The following DLGAP2 variants were observed in gnomAD, a reference collection of about 807,000 sequenced individuals.
The protein encoded by DLGAP2 is DLG associated protein 2.
In DLGAP2, 26 loss-of-function variants were observed where a neutral mutation model predicts 100.3. That is an observed-to-expected ratio of 0.26 (90% CI 0.19 to 0.36). The LOEUF is 0.36. DLGAP2 is among the 10% of genes least tolerant of loss of function. The probability of loss-of-function intolerance (pLI) is 1.00; values close to 1 mark genes in which losing one functional copy is unlikely to be tolerated. For synonymous variants in DLGAP2, 886 were observed against 630.1 expected, an observed-to-expected ratio of 1.41 and a Z score of -6.08; for missense variants, 1,858 against 1,453.2, an observed-to-expected ratio of 1.28 and a Z score of -4.53.
intron 3 of DLGAP2, among the ~76,000 whole-genome samples, chr8:1,424,590 T>G (rs1178161991): frequency 3.3e-5 from 5 of 152,106 alleles, no homozygotes; most frequent in Non-Finnish European, 7.3e-5. Context: ...GACGGTGTGA[T>G]TACCCTAACA....
intron 4 of DLGAP2, among the ~76,000 whole-genome samples, chr8:1,547,551 G>A (rs1238355250): frequency 6.6e-6 from 1 of 152,108 alleles, no homozygotes; most frequent in East Asian, 1.9e-4. Context: ...GAAGGTGTGA[G>A]TGCAGAGACC....
chr8:1,594,903 G>C (rs548383265), intron 6 of DLGAP2, among the ~76,000 whole-genome samples: 6 of 152,246 alleles, frequency 3.9e-5, no homozygotes, highest in African/African-American at 9.6e-5. Context: ...TCCCACCTCT[G>C]ACTTCTTCCT....
At position 818,466 on chromosome 8, in the gene DLGAP2, C is replaced by T. The variant is rs191839484; in HGVS notation, c.18+80641C>T. Among the ~76,000 whole-genome samples, 8 of 152,306 alleles carry T rather than the reference C, an allele frequency of 5.3e-5. No individual in the cohort carries two copies. The East Asian group carries it at 7.7e-4, about 15-fold the overall frequency. On this transcript the variant is annotated intron_variant, in intron 1 of 14. Coordinates refer to ENST00000637795, the MANE Select transcript of DLGAP2 (RefSeq NM_001346810.2). ...TCCCCATTGAGAAAGCACAGACTCA[C>T]GGTTTTTCTGCATTTCAGGGAGCCT...
At chr8:998,646 T>C (rs1800855768) in intron 2 of DLGAP2, among the ~76,000 whole-genome samples, 1 of 152,092 alleles carries the variant, frequency 6.6e-6, no homozygotes, top group African/African-American at 2.4e-5. Flanking sequence ...GTTTTATTAT[T>C]GAGTTGTTCT....
chr8:1,544,826 G>C (rs565845910), intron 4 of DLGAP2, among the ~76,000 whole-genome samples: 4 of 151,310 alleles, frequency 2.6e-5, no homozygotes, highest in Non-Finnish European at 5.9e-5. Flanking sequence ...TCTGCCTCCC[G>C]GGTTCAAGCG....
chr8:1,310,498 C>T (rs529523794), intron 3 of DLGAP2, among the ~76,000 whole-genome samples: 5 of 152,228 alleles, frequency 3.3e-5, no homozygotes, highest in South Asian at 2.1e-4. Flanking sequence ...GGGGTTTGGA[C>T]GGACACGTAC....
chr8:771,177 T>C (rs1821348021), intron 1 of DLGAP2, among the ~76,000 whole-genome samples: 1 of 152,208 alleles, frequency 6.6e-6, no homozygotes, highest in South Asian at 2.1e-4. Context: ...CCATAAACTC[T>C]AAACACTTAA....
chr8:965,372 G>A lies in DLGAP2; in HGVS notation c.73+57406G>A, dbSNP rs1300359301. Reference sequence around the variant, plus strand: ...CAGGGCTCCTGAGTCTGACCCCTGCGCTGTACACGGCACTGTTCATCACAC... The same window carrying A: ...CAGGGCTCCTGAGTCTGACCCCTGCACTGTACACGGCACTGTTCATCACAC... On this transcript the variant is annotated intron_variant, in intron 2 of 14. Coordinates refer to ENST00000637795, the MANE Select transcript of DLGAP2 (RefSeq NM_001346810.2). Among the ~76,000 whole-genome samples the A allele has an allele frequency of 6.4e-4, 44 of 68,916 alleles. 2 individuals are homozygous for A. The highest frequency in any genetic ancestry group is 2.4e-3 in the African/African-American group (34 of 14,062). 45.2% of individuals were successfully genotyped at this position (68,916 alleles called of 152,430 possible).
At position 1,419,316 on chromosome 8, in the gene DLGAP2, C is replaced by G. The variant is rs532662368; in HGVS notation, c.107-82050C>G. Among the ~76,000 whole-genome samples, 3 of 106,754 alleles carry G rather than the reference C, an allele frequency of 2.8e-5. No homozygotes were observed. The East Asian group carries it at 1.0e-3, about 37-fold the overall frequency. 70.0% of individuals were successfully genotyped at this position (106,754 alleles called of 152,430 possible). A position where few individuals can be genotyped will look rare whatever the true frequency, so the allele number is the denominator to read the frequency against. ...TATTTGTGGGATACTATGTTACACT[C>G]TGATACGTGTGTGTGTGTGTGTGTG... On this transcript the variant is annotated intron_variant, in intron 3 of 14. Coordinates refer to ENST00000637795, the MANE Select transcript of DLGAP2 (RefSeq NM_001346810.2).
chr8:1,313,426 C>A (rs574448915), intron 3 of DLGAP2, among the ~76,000 whole-genome samples: 55 of 152,158 alleles, frequency 3.6e-4, no homozygotes, highest in Non-Finnish European at 6.5e-4. Context: ...ATGTGCCGTT[C>A]AGCTATGCTC....
chr8:1,044,534 G>A (rs1802464134), intron 2 of DLGAP2, among the ~76,000 whole-genome samples: 1 of 152,202 alleles, frequency 6.6e-6, no homozygotes, highest in Admixed American at 6.5e-5. Flanking sequence ...GCCAGTTTGG[G>A]ATCAGGAGTG....
In DLGAP2 at chr8:840,471, T is replaced by C. The variant is rs80301971; in HGVS notation, c.19-67441T>C. On this transcript the variant is annotated intron_variant, in intron 1 of 14. Coordinates refer to ENST00000637795, the MANE Select transcript of DLGAP2 (RefSeq NM_001346810.2). ...TCTGGGAGCGCGTCTACACGGTACATGCCTGCACGTCTCCCTACACTCTGG... is the reference window on the plus strand; with the variant it reads ...TCTGGGAGCGCGTCTACACGGTACACGCCTGCACGTCTCCCTACACTCTGG... Among the ~76,000 whole-genome samples the C allele has an allele frequency of 1.9e-3, 177 of 93,834 alleles. 2 individuals are homozygous for C. The highest frequency in any genetic ancestry group is 7.5e-3 in the Middle Eastern group (1 of 134). 61.6% of individuals were successfully genotyped at this position (93,834 alleles called of 152,430 possible). A position where few individuals can be genotyped will look rare whatever the true frequency, so the allele number is the denominator to read the frequency against.
At chr8:1,565,506 AT>A (rs1802361210) in intron 5 of DLGAP2, 176 bp from the exon 6 acceptor site, 3 of 572,714 alleles carry the variant, frequency 5.2e-6, no homozygotes, top group Non-Finnish European at 9.0e-6. Context: ...AAAAACCAAC[AT>A]TTTTATATTC....
chr8:1,075,909 TA>T (rs1803591345), intron 2 of DLGAP2, among the ~76,000 whole-genome samples: 1 of 140,590 alleles, frequency 7.1e-6, no homozygotes, highest in South Asian at 2.2e-4. Flanking sequence ...TCAAAAAAAA[TA>T]AAAACAAAAA....
chr8:1,442,316 TG>T, intron 3 of DLGAP2, among the ~76,000 whole-genome samples: 1 of 141,226 alleles, frequency 7.1e-6, no homozygotes, highest in East Asian at 2.2e-4. Context: ...AGGCTGCTGA[TG>T]GGTTCAGCCA....
At chr8:1,640,157 C>T (rs1339039093) in intron 8 of DLGAP2, among the ~76,000 whole-genome samples, 1 of 152,174 alleles carries the variant, frequency 6.6e-6, no homozygotes, top group Non-Finnish European at 1.5e-5. Context: ...CAAGGGGAAC[C>T]CATTTCTCTT....
intron 3 of DLGAP2, among the ~76,000 whole-genome samples, chr8:1,466,377 C>G (rs924951563): frequency 6.6e-6 from 1 of 152,140 alleles, no homozygotes; most frequent in East Asian, 1.9e-4. Flanking sequence ...CATTTCCCCC[C>G]TCCCTTTTCC....
intron 1 of DLGAP2, among the ~76,000 whole-genome samples, chr8:798,702 G>A (rs564124793): frequency 1.6e-4 from 20 of 126,332 alleles, no homozygotes; most frequent in East Asian, 1.0e-3. Flanking sequence ...CTGCAGCCCC[G>A]TGCCCCGGCG....
intron 6 of DLGAP2, among the ~76,000 whole-genome samples, chr8:1,604,117 C>T (rs1796718426): frequency 6.6e-6 from 1 of 152,172 alleles, no homozygotes; most frequent in Admixed American, 6.5e-5. Context: ...GACCCTTCTT[C>T]ATTTTGTGGA....
Sources: allele counts gnomAD v4.1 joint callset (sites outside exome capture counted in the v4.1 genomes callset), GRCh38; gene constraint gnomAD v4.1.1; transcripts MANE v1.5; gene names NCBI Gene and HGNC (gene_info 2026-07-23, HGNC 2026-07-21).